WNT2: variants seen among roughly 807,000 people sequenced by gnomAD.
The protein encoded by WNT2 is Wnt family member 2.
A neutral mutation model predicts 36.9 loss-of-function variants in WNT2; 12 were observed. The ratio of observed to expected loss-of-function variants is 0.33; its 90% CI spans 0.21 to 0.53. WNT2 has a LOEUF of 0.53. Ranked by LOEUF, WNT2 falls within the 20% of genes least tolerant of loss-of-function variation. The pLI is 0.95. For missense variants in WNT2, 379 were observed against 473.1 expected (o/e 0.80, Z 1.84); for synonymous variants, 163 against 174.6 (o/e 0.93, Z 0.52).
intron 3 of WNT2, among the ~76,000 whole-genome samples, chr7:117,305,824 C>T (rs894202424): frequency 1.3e-5 from 2 of 152,182 alleles, no homozygotes; most frequent in African/African-American, 4.8e-5. Flanking sequence ...ACACAGGTGC[C>T]ACTGCACCCA....
chr7:117,315,056 G>C lies in WNT2; in HGVS notation c.588+15C>G, dbSNP rs113439269. On this transcript the variant is annotated intron_variant, in intron 3 of 4. Transcript: ENST00000265441. ...CCATGCAGCCTACAAAATGAGCACC[G>C]TTGCATTTCCATACCTTCCTGCCAG... is the stretch of plus-strand genomic sequence containing the variant. 1 of 1,612,694 alleles carries C rather than the reference G, an allele frequency of 6.2e-7. No homozygotes were observed.
At chr7:117,312,194 C>T (rs1482391532) in intron 3 of WNT2, among the ~76,000 whole-genome samples, 2 of 152,054 alleles carry the variant, frequency 1.3e-5, no homozygotes, top group Non-Finnish European at 2.9e-5. Flanking sequence ...GACAGGGTCT[C>T]GTGCTGTCAC....
intron 3 of WNT2, among the ~76,000 whole-genome samples, chr7:117,302,382 GA>G (rs1239533809): frequency 3.9e-5 from 6 of 152,104 alleles, no homozygotes; most frequent in African/African-American, 1.4e-4. Context: ...TTAACTTGAA[GA>G]ATAAAAATAT....
intron 4 of WNT2, among the ~76,000 whole-genome samples, chr7:117,283,078 T>G (rs1794518445): frequency 6.6e-6 from 1 of 152,148 alleles, no homozygotes; most frequent in Admixed American, 6.5e-5. Context: ...AGAGAAAAGA[T>G]AATGAATTCA....
chr7:117,304,585 G>A (rs1253154431), intron 3 of WNT2, among the ~76,000 whole-genome samples: 5 of 151,950 alleles, frequency 3.3e-5, no homozygotes, highest in Admixed American at 6.6e-5. Context: ...ACAGGCATCC[G>A]CCACCACGCC....
chr7:117,302,613 C>T (rs1474090887), intron 3 of WNT2, among the ~76,000 whole-genome samples: 1 of 152,180 alleles, frequency 6.6e-6, no homozygotes, highest in Non-Finnish European at 1.5e-5. Context: ...CCACATGGAT[C>T]TTCATGCAGC....
In WNT2 at chr7:117,315,077, G is replaced by A. The variant is rs751974085; in HGVS notation, c.582C>T (p.Gly194=). 3.1e-6 allele frequency: 5 copies of A among 1,613,936 alleles called. 1 individual carries two copies. The South Asian group carries it at 4.4e-5, about 14-fold the overall frequency. ...ALMNLHNNRA[G]RKAVKRFLKQ... ...CACCGTTGCATTTCCATACCTTCCTGCCAGCTCTGTTGTTGTGAAGATTCA... is the reference window on the plus strand; with the variant it reads ...CACCGTTGCATTTCCATACCTTCCTACCAGCTCTGTTGTTGTGAAGATTCA... The change falls in exon 3 of 5, where the codon GGC becomes GGT. Residue 194 remains glycine, a synonymous_variant. Coordinates refer to ENST00000265441, the MANE Select transcript of WNT2 (RefSeq NM_003391.3).
intron 3 of WNT2, among the ~76,000 whole-genome samples, chr7:117,299,850 T>C (rs1231220810): frequency 3.3e-5 from 5 of 152,052 alleles, no homozygotes; most frequent in Admixed American, 3.3e-4. Flanking sequence ...AAAACTGATA[T>C]TTTTATACAA....
intron 4 of WNT2, among the ~76,000 whole-genome samples, chr7:117,290,188 G>T (rs60127256): frequency 6.6e-6 from 1 of 152,144 alleles, no homozygotes; most frequent in African/African-American, 2.4e-5. Flanking sequence ...CATAGGAATG[G>T]AGAGACCAAA....
At chr7:117,308,951 T>TG (rs999399740) in intron 3 of WNT2, among the ~76,000 whole-genome samples, 1 of 151,404 alleles carries the variant, frequency 6.6e-6, no homozygotes, top group Non-Finnish European at 1.5e-5. Context: ...TGGGAGGCCA[T>TG]GGCAGGAGGA....
At chr7:117,303,496 G>A (rs912835113) in intron 3 of WNT2, among the ~76,000 whole-genome samples, 1 of 152,116 alleles carries the variant, frequency 6.6e-6, no homozygotes, top group Non-Finnish European at 1.5e-5. Flanking sequence ...AGAGCAACAG[G>A]CTATAGCGGC....
chr7:117,318,715 T>G (rs2116392278), intron 2 of WNT2, among the ~76,000 whole-genome samples: 1 of 152,334 alleles, frequency 6.6e-6, no homozygotes, highest in South Asian at 2.1e-4. Flanking sequence ...TTTCGCCATG[T>G]TGGCCAGGCT....
At chr7:117,285,608 T>A (rs1794565152) in intron 4 of WNT2, among the ~76,000 whole-genome samples, 1 of 152,214 alleles carries the variant, frequency 6.6e-6, no homozygotes, top group African/African-American at 2.4e-5. Flanking sequence ...CTCTTAAAAA[T>A]ACTCCAGAAG....
intron 4 of WNT2, among the ~76,000 whole-genome samples, chr7:117,290,190 G>A (rs1360308315): frequency 6.6e-6 from 1 of 152,190 alleles, no homozygotes; most frequent in Non-Finnish European, 1.5e-5. Flanking sequence ...TAGGAATGGA[G>A]AGACCAAACC....
intron 4 of WNT2, among the ~76,000 whole-genome samples, chr7:117,295,823 G>C (rs1794778790): frequency 1.3e-5 from 2 of 152,324 alleles, no homozygotes; most frequent in South Asian, 4.1e-4. Context: ...AATGGAGAAG[G>C]TGATATCTAG....
intron 2 of WNT2, chr7:117,320,323 C>A (rs1041784170): frequency 5.8e-6 from 3 of 518,362 alleles, no homozygotes; most frequent in Non-Finnish European, 1.0e-5. Context: ...ATGGACAGAG[C>A]AAAGAGTGAA....
chr7:117,302,732 C>G (rs957190880), intron 3 of WNT2, among the ~76,000 whole-genome samples: 3 of 152,106 alleles, frequency 2.0e-5, no homozygotes, highest in African/African-American at 7.2e-5. Context: ...ATTATGTGGT[C>G]TCTGAACAAT....
At chr7:117,287,306 C>T (rs3779550) in intron 4 of WNT2, among the ~76,000 whole-genome samples, 62,265 of 151,940 alleles carry the variant, frequency 0.41, 13,028 homozygotes, top group Middle Eastern at 0.53. Context: ...GGTCGTGCCA[C>T]TCTACTCCAG....
intron 4 of WNT2, among the ~76,000 whole-genome samples, chr7:117,295,973 T>A (rs1346205734): frequency 6.6e-6 from 1 of 152,168 alleles, no homozygotes; most frequent in South Asian, 2.1e-4. Context: ...GCTGTAAGGA[T>A]CCTACTGTAA....
Sources: allele counts gnomAD v4.1 joint callset (sites outside exome capture counted in the v4.1 genomes callset), GRCh38; gene constraint gnomAD v4.1.1; transcripts MANE v1.5; gene names NCBI Gene and HGNC (gene_info 2026-07-23, HGNC 2026-07-21).